ARFGEF2: variants seen among roughly 807,000 people sequenced by gnomAD.
ARFGEF2 encodes ARF guanine nucleotide exchange factor 2.
A neutral mutation model predicts 219.9 loss-of-function variants in ARFGEF2; 74 were observed. The ratio of observed to expected loss-of-function variants is 0.34; its 90% CI spans 0.28 to 0.41. The LOEUF (loss-of-function observed/expected upper bound fraction) is 0.41, where lower values mean the gene tolerates loss of function less well. Among genes scored for constraint, ARFGEF2 ranks in the 10% least tolerant of loss-of-function variants. ARFGEF2 has a pLI of 1.00. For synonymous variants in ARFGEF2, 733 were observed against 799.2 expected, an observed-to-expected ratio of 0.92 and a Z score of 1.40; for missense variants, 1,743 against 2,218.3, an observed-to-expected ratio of 0.79 and a Z score of 4.30.
At chr20:48,946,031 A>G (rs994718435) in intron 3 of ARFGEF2, among the ~76,000 whole-genome samples, 1 of 152,168 alleles carries the variant, frequency 6.6e-6, no homozygotes, top group South Asian at 2.1e-4. Flanking sequence ...ACTGAATGGA[A>G]AAAATGTACT....
At chr20:48,943,634 G>C (rs565283436) in intron 3 of ARFGEF2, among the ~76,000 whole-genome samples, 2 of 152,202 alleles carry the variant, frequency 1.3e-5, no homozygotes, top group African/African-American at 4.8e-5. Context: ...GCAGTGCCTT[G>C]ATAATAGCTC....
intron 3 of ARFGEF2, among the ~76,000 whole-genome samples, chr20:48,946,167 C>T (rs1262122943): frequency 6.6e-6 from 1 of 152,170 alleles, no homozygotes; most frequent in Non-Finnish European, 1.5e-5. Context: ...GAATTGAAAC[C>T]AGCTGCAGAT....
intron 1 of ARFGEF2, among the ~76,000 whole-genome samples, chr20:48,938,967 GT>G (rs199950635): frequency 1.4e-5 from 2 of 143,112 alleles, no homozygotes; most frequent in Non-Finnish European, 1.5e-5. Context: ...TGTTTTATGG[GT>G]TTTTTTTGTT....
At chr20:48,991,296 A>C (rs576993263) in intron 21 of ARFGEF2, 98 bp downstream of exon 21, 4 of 1,530,898 alleles carry the variant, frequency 2.6e-6, no homozygotes, top group East Asian at 2.2e-5. Context: ...TTTTTCTTGA[A>C]GTCAAATCAC....
chr20:48,983,647 A>C (rs1004382640), intron 14 of ARFGEF2, among the ~76,000 whole-genome samples: 4 of 152,060 alleles, frequency 2.6e-5, no homozygotes, highest in African/African-American at 9.7e-5. Flanking sequence ...TCCCTTGAAC[A>C]CCTTCAGCTC....
Position 48,952,757 on chromosome 20 carries a change from T to C in ARFGEF2, c.476T>C (p.Ile159Thr). The C allele has an allele frequency of 6.2e-7, 1 of 1,614,218 alleles. No individual in the cohort carries two copies. The highest frequency in any genetic ancestry group is 8.5e-7 in the Non-Finnish European group (1 of 1,180,032). The part of the protein sequence containing the change: ...SPHIEIHEGT[I>T]LQTVRTCYNI... ...CACATTGAAATTCATGAGGGTACTA[T>C]CCTGCAGACAGTGAGAACATGTTAC... Residue 159 changes from isoleucine to threonine, a missense_variant, in exon 5 of 39, where the codon ATC becomes ACC. Around this residue, in one of 5 missense-constraint regions of ARFGEF2, gnomAD observed 394 missense variants for 426.6 expected, o/e 0.92. Transcript: ENST00000371917.
rs2091654451 is a variant in ARFGEF2, at chr20:49,034,321, T to G, written c.*1122T>G. ...GCAGGAGGTGGCATGTGCCCAGCAC[T>G]TCCATTAATCTGAGCCTAGGAGTTG... On this transcript the variant is annotated 3_prime_UTR_variant, in exon 39 of 39. Transcript: ENST00000371917. The G allele has an allele frequency of 6.6e-6, 1 of 152,278 alleles. No homozygotes were observed. The highest frequency in any genetic ancestry group is 1.5e-5 in the Non-Finnish European group (1 of 68,088). 9.4% of individuals were successfully genotyped at this position (152,278 alleles called of 1,614,324 possible). A position where few individuals can be genotyped will look rare whatever the true frequency, so the allele number is the denominator to read the frequency against.
In ARFGEF2 at chr20:49,017,555, G is replaced by C; in HGVS notation, c.4509+5G>C. ...GATTCATCAGAAAAGCATTTGGTAG[G>C]ATTTGGGGTTTTTCTTTGGTTGTCT... On this transcript the variant is annotated splice_donor_5th_base_variant and intron_variant, in intron 33 of 38. Transcript: ENST00000371917. 5.6e-6 allele frequency: 9 copies of C among 1,613,778 alleles called. No individual in the cohort carries two copies. The highest frequency in any genetic ancestry group is 7.6e-6 in the Non-Finnish European group (9 of 1,179,954).
chr20:48,982,449 A>T (rs2091302118), intron 14 of ARFGEF2, among the ~76,000 whole-genome samples: 1 of 152,170 alleles, frequency 6.6e-6, no homozygotes, highest in African/African-American at 2.4e-5. Context: ...CAGTTAGGCT[A>T]CATGGGGGTC....
At position 49,032,072 on chromosome 20, in the gene ARFGEF2, A is replaced by G. The variant is rs368361056; in HGVS notation, c.5087A>G (p.Tyr1696Cys). The change falls in exon 38 of 39, where the codon TAT becomes TGT. Residue 1696 changes from tyrosine to cysteine, a missense_variant. This residue lies in a region of ARFGEF2 where 578 missense variants were observed against 664.0 expected (regional missense o/e 0.87). Coordinates refer to ENST00000371917, the MANE Select transcript of ARFGEF2 (RefSeq NM_006420.3). Reference protein sequence around the residue: ...LLTVCSEALAYFITVNSESHR... With the variant: ...LLTVCSEALACFITVNSESHR... ...AGTGTTTGCAGTGAAGCTCTTGCCT[A>G]TTTCATCACTGTGAATTCTGAGAGC... 7.4e-6 allele frequency: 12 copies of G among 1,614,036 alleles called. No homozygotes were observed. Among genetic ancestry groups the G allele is most frequent in the Middle Eastern group, 1.6e-4 (1 of 6,062 alleles).
intron 14 of ARFGEF2, among the ~76,000 whole-genome samples, chr20:48,980,926 CTT>C (rs758544691): frequency 6.6e-6 from 1 of 152,134 alleles, no homozygotes; most frequent in Non-Finnish European, 1.5e-5. Context: ...GGTCTTGACT[CTT>C]TATCCAGTTT....
intron 1 of ARFGEF2, among the ~76,000 whole-genome samples, chr20:48,933,434 A>G (rs549074694): frequency 7.9e-4 from 74 of 93,160 alleles, no homozygotes; most frequent in Admixed American, 3.6e-3. Flanking sequence ...CCTCACCTGT[A>G]AAACAGTTAA....
chr20:48,966,372 T>C (rs1387949018), intron 8 of ARFGEF2, among the ~76,000 whole-genome samples: 1 of 152,234 alleles, frequency 6.6e-6, no homozygotes, highest in Non-Finnish European at 1.5e-5. Flanking sequence ...TATGACTGTA[T>C]TGAAAGCCAT....
Position 48,969,295 on chromosome 20 carries a change from C to T in ARFGEF2, c.1190+18C>T, listed in dbSNP as rs1403789725. On this transcript the variant is annotated intron_variant, in intron 9 of 38. Coordinates refer to ENST00000371917, the MANE Select transcript of ARFGEF2 (RefSeq NM_006420.3). Reference sequence around the variant, plus strand: ...GACCCAAAGTAAGCAGACAGCAGTTCTTGGCCACCTTCAGTCCAATGATCC... The same window carrying T: ...GACCCAAAGTAAGCAGACAGCAGTTTTTGGCCACCTTCAGTCCAATGATCC... 3 of 1,614,096 alleles carry T rather than the reference C, an allele frequency of 1.9e-6. No homozygotes were observed. The East Asian group carries it at 6.7e-5, about 36-fold the overall frequency.
chr20:49,020,086 A>G (rs2091556956), intron 34 of ARFGEF2, among the ~76,000 whole-genome samples: 1 of 152,228 alleles, frequency 6.6e-6, no homozygotes, highest in Non-Finnish European at 1.5e-5. Context: ...GCTTAGACAG[A>G]TCATAGAACT....
intron 21 of ARFGEF2, among the ~76,000 whole-genome samples, chr20:48,992,031 G>A (rs1348183497): frequency 6.6e-6 from 1 of 152,166 alleles, no homozygotes; most frequent in Non-Finnish European, 1.5e-5. Flanking sequence ...GACCTGCAGA[G>A]CAGATGACCA....
chr20:49,021,022 A>C (rs1450524275), intron 34 of ARFGEF2, among the ~76,000 whole-genome samples: 1 of 152,174 alleles, frequency 6.6e-6, no homozygotes, highest in Non-Finnish European at 1.5e-5. Flanking sequence ...ACTTGGCATA[A>C]GTTGAATGTA....
rs941531319 is a variant in ARFGEF2, at chr20:49,014,046, G to A, written c.4179+86G>A. 2.5e-5 allele frequency: 39 copies of A among 1,561,998 alleles called. No individual in the cohort carries two copies. The East Asian group carries it at 3.4e-4, about 14-fold the overall frequency. On this transcript the variant is annotated intron_variant, in intron 30 of 38. Transcript: ENST00000371917. ...ATTTGCCTCTGGGGGCTGCATCATC[G>A]TCTACCCAGAGTTCTTAAATACTGA...
intron 1 of ARFGEF2, among the ~76,000 whole-genome samples, chr20:48,924,772 A>G (rs1236983786): frequency 6.6e-6 from 1 of 152,104 alleles, no homozygotes; most frequent in Non-Finnish European, 1.5e-5. Context: ...CTAGGAGTGT[A>G]TTCTTTGGGA....
Sources: gnomAD v4.1 joint callset for allele counts (sites outside exome capture counted in the v4.1 genomes callset) on GRCh38, gnomAD v4.1.1 for gene constraint, gnomAD v4.1.1 regional missense constraint, MANE v1.5 for transcripts, NCBI Gene and HGNC (gene_info 2026-07-23, HGNC 2026-07-21) for gene names.